The following FRMD4A variants were observed in gnomAD, a reference collection of about 807,000 sequenced individuals.
FRMD4A encodes FERM domain containing 4A.
FRMD4A carries 29 observed loss-of-function variants against 129.1 expected under a neutral mutation model. That is an observed-to-expected ratio of 0.22 (90% CI 0.17 to 0.31). The LOEUF (loss-of-function observed/expected upper bound fraction) is 0.31. Among genes scored for constraint, FRMD4A ranks in the 10% least tolerant of loss-of-function variants. The probability of loss-of-function intolerance (pLI) is 1.00; values close to 1 mark genes in which losing one functional copy is unlikely to be tolerated. For missense variants in FRMD4A, 1,272 were observed against 1,375.8 expected, an observed-to-expected ratio of 0.92 and a Z score of 1.19; for synonymous variants, 634 against 571.6, an observed-to-expected ratio of 1.11 and a Z score of -1.56.
intron 2 of FRMD4A, among the ~76,000 whole-genome samples, chr10:14,167,596 G>A (rs1239016473): frequency 1.3e-5 from 2 of 151,254 alleles, no homozygotes; most frequent in Admixed American, 1.3e-4. Flanking sequence ...CGATATAGTG[G>A]AGAGGCTCAC....
chr10:14,200,249 G>A (rs1353565942), intron 2 of FRMD4A, among the ~76,000 whole-genome samples: 1 of 150,154 alleles, frequency 6.7e-6, no homozygotes, highest in African/African-American at 2.4e-5. Context: ...TTTACTGATG[G>A]GGATGGACTC....
In FRMD4A at chr10:13,714,026, A is replaced by ATATTT. The variant is rs1491387054; in HGVS notation, c.760-6914_760-6913insAAATA. Among the ~76,000 whole-genome samples the ATATTT allele has an allele frequency of 3.6e-4, 22 of 60,914 alleles. 8 individuals carry two copies. The highest frequency in any genetic ancestry group is 1.6e-3 in the African/African-American group (22 of 13,522). 40.0% of individuals were successfully genotyped at this position (60,914 alleles called of 152,430 possible). On this transcript the variant is annotated intron_variant, in intron 12 of 24. Coordinates refer to ENST00000357447, the MANE Select transcript of FRMD4A (RefSeq NM_018027.5). ...TATATAATATACATATATAAAATATACATATATATATATATATATATATAT... is the reference window on the plus strand; with the variant it reads ...TATATAATATACATATATAAAATATATATTTCATATATATATATATATATATATAT...
intron 2 of FRMD4A, among the ~76,000 whole-genome samples, chr10:13,911,974 CCAAA>C (rs2094945800): frequency 1.3e-5 from 2 of 152,080 alleles, no homozygotes; most frequent in African/African-American, 2.4e-5. Context: ...ACTGAAGCAC[CCAAA>C]CAGAGAAGAG....
At chr10:13,911,032 C>T (rs565680458) in intron 2 of FRMD4A, among the ~76,000 whole-genome samples, 10 of 151,820 alleles carry the variant, frequency 6.6e-5, no homozygotes, top group South Asian at 4.2e-4. Context: ...CCTTTTCCTT[C>T]TCAGCCAGGG....
At chr10:13,930,636 G>C (rs1192016681) in intron 2 of FRMD4A, among the ~76,000 whole-genome samples, 2 of 152,128 alleles carry the variant, frequency 1.3e-5, no homozygotes, top group Non-Finnish European at 2.9e-5. Flanking sequence ...AAGGGTCTGG[G>C]GGGAAACAGA....
At position 14,196,085 on chromosome 10, in the gene FRMD4A, T is replaced by C. The variant is rs1304655065; in HGVS notation, c.45+133973A>G. On this transcript the variant is annotated intron_variant, in intron 2 of 24. Coordinates refer to ENST00000357447, the MANE Select transcript of FRMD4A (RefSeq NM_018027.5). ...CAGAGACTGCAAAAACAAATTCTGA[T>C]TCCCATGCTAAAACCCTTCCAGCTT... 2.0e-5 allele frequency among the ~76,000 whole-genome samples: 3 copies of C among 152,048 alleles called. No individual in the cohort carries two copies. In the East Asian group the frequency reaches 5.8e-4, roughly 29 times the overall value.
chr10:14,138,829 G>A (rs193115749), intron 2 of FRMD4A, among the ~76,000 whole-genome samples: 9 of 152,186 alleles, frequency 5.9e-5, no homozygotes, highest in African/African-American at 1.9e-4. Flanking sequence ...TGCTAGCATC[G>A]GTAATATTCA....
chr10:13,657,587 G>A, intron 21 of FRMD4A, 65 bp from the exon 22 acceptor site: 1 of 1,460,736 alleles, frequency 6.8e-7, no homozygotes. Flanking sequence ...GTGCTCCGGG[G>A]AGGAGGGGGT....
At chr10:13,776,900 C>T (rs548639301) in intron 6 of FRMD4A, among the ~76,000 whole-genome samples, 8 of 152,336 alleles carry the variant, frequency 5.3e-5, no homozygotes, top group Admixed American at 2.0e-4. Context: ...AAGAGAATCA[C>T]AGCCAAGAGA....
chr10:13,666,853 T>C (rs1364499751), intron 17 of FRMD4A, among the ~76,000 whole-genome samples: 1 of 152,036 alleles, frequency 6.6e-6, no homozygotes, highest in Non-Finnish European at 1.5e-5. Context: ...TCACATATCT[T>C]GTCTTTCCCT....
chr10:13,979,540 A>T (rs2095553364), intron 2 of FRMD4A, among the ~76,000 whole-genome samples: 1 of 152,214 alleles, frequency 6.6e-6, no homozygotes, highest in Non-Finnish European at 1.5e-5. Context: ...GATATGAAGG[A>T]GGTGAAGTAG....
chr10:14,191,448 G>A lies in FRMD4A; in HGVS notation c.45+138610C>T, dbSNP rs141397766. On this transcript the variant is annotated intron_variant, in intron 2 of 24. Coordinates refer to ENST00000357447, the MANE Select transcript of FRMD4A (RefSeq NM_018027.5). Reference sequence around the variant, plus strand: ...GACAGCCATAGTTTACAAGACCCAGGACCAATCCCAATAAAAGTCCTGTCT... The same window carrying A: ...GACAGCCATAGTTTACAAGACCCAGAACCAATCCCAATAAAAGTCCTGTCT... Among the ~76,000 whole-genome samples, 1,197 of 152,188 alleles carry A rather than the reference G, an allele frequency of 7.9e-3. 12 individuals are homozygous for A. The highest frequency in any genetic ancestry group is 0.049 in the South Asian group (234 of 4,812).
At chr10:13,818,081 T>C (rs1168598771) in intron 3 of FRMD4A, among the ~76,000 whole-genome samples, 2 of 152,342 alleles carry the variant, frequency 1.3e-5, no homozygotes, top group East Asian at 3.9e-4. Flanking sequence ...ACGCAAGCTC[T>C]CTGGGCCTCA....
At position 13,821,013 on chromosome 10, in the gene FRMD4A, T is replaced by G. The variant is rs1003319449; in HGVS notation, c.112-10105A>C. 1.1e-4 allele frequency among the ~76,000 whole-genome samples: 17 copies of G among 152,292 alleles called. No individual in the cohort carries two copies. The highest frequency in any genetic ancestry group is 3.8e-4 in the African/African-American group (16 of 41,572). On this transcript the variant is annotated intron_variant, in intron 3 of 24. Coordinates refer to ENST00000357447, the MANE Select transcript of FRMD4A (RefSeq NM_018027.5). The surrounding 1 kb of genome is among the most constrained non-coding windows in gnomAD (Gnocchi z 4.3). ...GAGCGCAGCTTTGAATAAATGAGCC[T>G]GAGCAAGCTGCCGGGTCTGAAGCCT...
chr10:13,920,985 TGTCTTA>T (rs2095064106), intron 2 of FRMD4A, among the ~76,000 whole-genome samples: 1 of 152,202 alleles, frequency 6.6e-6, no homozygotes, highest in African/African-American at 2.4e-5. Context: ...ATTTTACAGA[TGTCTTA>T]GTCTGTTCAG....
At chr10:13,909,171 C>T (rs542704810) in intron 2 of FRMD4A, among the ~76,000 whole-genome samples, 4 of 152,116 alleles carry the variant, frequency 2.6e-5, no homozygotes, top group Non-Finnish European at 5.9e-5. Context: ...TTTGTTTTGT[C>T]TTCTGCTATG....
At position 13,646,851 on chromosome 10, in the gene FRMD4A, C is replaced by T. The variant is rs1266720513; in HGVS notation, c.*187G>A. The T allele has an allele frequency of 9.7e-6, 2 of 205,274 alleles. No homozygotes were observed. Among genetic ancestry groups the T allele is most frequent in the African/African-American group, 2.4e-5 (1 of 42,496 alleles). The allele number at this position is 205,274 out of a possible 1,614,324, so 12.7% of individuals were successfully genotyped here. A position where few individuals can be genotyped will look rare whatever the true frequency, so the allele number is the denominator to read the frequency against. On this transcript the variant is annotated 3_prime_UTR_variant, in exon 25 of 25. Coordinates refer to ENST00000357447, the MANE Select transcript of FRMD4A (RefSeq NM_018027.5). ...GAGGGCCAAAGCTGGTGCAGGGTGA[C>T]GGTGCGTCTGGGTAAGGCAAATGAG...
chr10:13,671,113 C>T (rs575734039), intron 16 of FRMD4A, among the ~76,000 whole-genome samples: 2 of 152,150 alleles, frequency 1.3e-5, no homozygotes, highest in Non-Finnish European at 2.9e-5. Context: ...CCAGATGCTA[C>T]AGGAATAGGC....
intron 12 of FRMD4A, among the ~76,000 whole-genome samples, chr10:13,732,122 G>T (rs2090358981): frequency 6.6e-6 from 1 of 152,106 alleles, no homozygotes; most frequent in African/African-American, 2.4e-5. Context: ...TGTTCTCGGA[G>T]CCACCGGTGA....
Sources: gnomAD v4.1 joint callset for allele counts (sites outside exome capture counted in the v4.1 genomes callset) on GRCh38, gnomAD v4.1.1 for gene constraint, Gnocchi (gnomAD v3.1) non-coding constraint, MANE v1.5 for transcripts, NCBI Gene and HGNC (gene_info 2026-07-23, HGNC 2026-07-21) for gene names.